The following SORCS1 variants were observed in gnomAD, a reference collection of about 807,000 sequenced individuals.
SORCS1 encodes VPS10 domain-containing receptor SorCS1.
Under a neutral mutation model 146.1 loss-of-function variants are expected in SORCS1, and 60 were observed. The ratio of observed to expected loss-of-function variants is 0.41; its 90% CI spans 0.33 to 0.51. The LOEUF (loss-of-function observed/expected upper bound fraction) is 0.51, where lower values mean the gene tolerates loss of function less well. Ranked by LOEUF, SORCS1 falls within the 20% of genes least tolerant of loss-of-function variation. The pLI, the probability that SORCS1 is intolerant of heterozygous loss-of-function variation, is 0.21. For missense variants in SORCS1, 1,352 were observed against 1,487.6 expected, an observed-to-expected ratio of 0.91 and a Z score of 1.50; for synonymous variants, 637 against 584.0, an observed-to-expected ratio of 1.09 and a Z score of -1.31.
At chr10:106,897,809 C>T (rs997577551) in intron 2 of SORCS1, among the ~76,000 whole-genome samples, 3 of 152,198 alleles carry the variant, frequency 2.0e-5, no homozygotes, top group African/African-American at 7.2e-5. Context: ...AACGCTTAGT[C>T]AATGGTACAC....
At chr10:106,711,224 G>C (rs1430280493) in intron 6 of SORCS1, among the ~76,000 whole-genome samples, 1 of 152,102 alleles carries the variant, frequency 6.6e-6, no homozygotes, top group East Asian at 1.9e-4. Context: ...ATATCCTTTT[G>C]AGTATAAAAA....
At chr10:106,974,195 T>A (rs897993105) in intron 1 of SORCS1, among the ~76,000 whole-genome samples, 5 of 152,310 alleles carry the variant, frequency 3.3e-5, no homozygotes, top group Middle Eastern at 3.4e-3. Context: ...GGATATTCCA[T>A]TGCAACAAAA....
intron 3 of SORCS1, among the ~76,000 whole-genome samples, chr10:106,798,019 T>A (rs773429733): frequency 9.2e-5 from 14 of 152,164 alleles, no homozygotes; most frequent in African/African-American, 3.4e-4. Context: ...CCCACCCAAA[T>A]CTCATCTTGA....
chr10:106,964,097 A>G (rs956125048), intron 1 of SORCS1, among the ~76,000 whole-genome samples: 1 of 152,246 alleles, frequency 6.6e-6, no homozygotes, highest in Non-Finnish European at 1.5e-5. Context: ...AAAGGAACTG[A>G]GGGAGAAAGC....
intron 22 of SORCS1, among the ~76,000 whole-genome samples, chr10:106,608,988 C>G (rs1846791652): frequency 6.6e-6 from 1 of 152,202 alleles, no homozygotes; most frequent in African/African-American, 2.4e-5. Context: ...CTGGTGAAGA[C>G]TCTGCCCATA....
At chr10:107,105,329 G>A (rs1035562965) in intron 1 of SORCS1, among the ~76,000 whole-genome samples, 4 of 152,160 alleles carry the variant, frequency 2.6e-5, no homozygotes, top group South Asian at 2.1e-4. Flanking sequence ...GTGTATTAGG[G>A]TTCTCTACAG....
chr10:106,736,348 A>G (rs1856943364), intron 5 of SORCS1, among the ~76,000 whole-genome samples: 1 of 152,206 alleles, frequency 6.6e-6, no homozygotes, highest in Non-Finnish European at 1.5e-5. Context: ...TTAATGGCAT[A>G]TGGGAAGAAA....
In SORCS1 at chr10:106,993,183, C is replaced by T. The variant is rs181722068; in HGVS notation, c.559-36603G>A. The stretch of plus-strand genomic sequence containing the variant: ...CATGTCAGGTTTAGATACTGTATCT[C>T]GAGTCAACATTCTAAGCAACTCTTT... On this transcript the variant is annotated intron_variant, in intron 1 of 25. Coordinates refer to ENST00000263054, the MANE Select transcript of SORCS1 (RefSeq NM_052918.5). 1.5e-3 allele frequency among the ~76,000 whole-genome samples: 229 copies of T among 151,730 alleles called. 2 individuals are homozygous for T. The highest frequency in any genetic ancestry group is 5.3e-3 in the African/African-American group (218 of 41,182).
At chr10:107,121,838 T>G (rs538350299) in intron 1 of SORCS1, among the ~76,000 whole-genome samples, 1 of 152,344 alleles carries the variant, frequency 6.6e-6, no homozygotes, top group South Asian at 2.1e-4. Context: ...AAGGACTGTC[T>G]GTGGTTTGGG....
Position 107,164,452 on chromosome 10 carries a change from G to A in SORCS1, c.75C>T (p.Ile25=). The change falls in exon 1 of 26, where the codon ATC becomes ATT. Residue 25 remains isoleucine, a synonymous_variant. Coordinates refer to ENST00000263054, the MANE Select transcript of SORCS1 (RefSeq NM_052918.5). The surrounding 1 kb of genome is among the most constrained non-coding windows in gnomAD (Gnocchi z 6.8). ...CGCCGCAGACGCCCGGGGCGCAGAG[G>A]ATCAAGAGCCCCGCGCCGGCGAGGA... is the stretch of plus-strand genomic sequence containing the variant. ...SALLAGAGLL[I]LCAPGVCGGG... 1.4e-6 allele frequency: 2 copies of A among 1,384,780 alleles called. No individual in the cohort carries two copies. The highest frequency in any genetic ancestry group is 1.9e-6 in the Non-Finnish European group (2 of 1,077,018). 85.8% of individuals were successfully genotyped at this position (1,384,780 alleles called of 1,614,324 possible).
rs144583027 is a variant in SORCS1, at chr10:106,767,196, C to A, written c.886-5535G>T. Among the ~76,000 whole-genome samples, 42 of 152,266 alleles carry A rather than the reference C, an allele frequency of 2.8e-4. 1 individual carries two copies. The South Asian group carries it at 8.3e-3, about 30-fold the overall frequency. ...TCAGGCTTTGCTGATGAAGGCTGGG[C>A]AGGAATGATGGCCTATTGCTGGTTC... On this transcript the variant is annotated intron_variant, in intron 4 of 25. Coordinates refer to ENST00000263054, the MANE Select transcript of SORCS1 (RefSeq NM_052918.5).
chr10:106,659,451 T>C (rs777554962), intron 17 of SORCS1, among the ~76,000 whole-genome samples: 2 of 152,226 alleles, frequency 1.3e-5, no homozygotes, highest in Non-Finnish European at 2.9e-5. Flanking sequence ...ATCCACTATC[T>C]GAGCCTACCA....
At chr10:107,048,012 A>T (rs72812903) in intron 1 of SORCS1, among the ~76,000 whole-genome samples, 1,619 of 152,200 alleles carry the variant, frequency 0.011, 15 homozygotes, top group South Asian at 0.029. Flanking sequence ...GAGCCCGCGA[A>T]GTCAAGGCTG....
chr10:107,046,104 G>A lies in SORCS1; in HGVS notation c.559-89524C>T, dbSNP rs370561125. Among the ~76,000 whole-genome samples, 215 of 152,022 alleles carry A rather than the reference G, an allele frequency of 1.4e-3. 1 individual carries two copies. The highest frequency in any genetic ancestry group is 4.7e-3 in the African/African-American group (194 of 41,476). On this transcript the variant is annotated intron_variant, in intron 1 of 25. Transcript: ENST00000263054. ...TGGGACTACAGGCACGTGCCACCAC[G>A]CCCAGATAATTTTTGAATTTTTAGT...
rs144743203 is a variant in SORCS1 at position 106,808,175 on chromosome 10, C to T, written c.726+21399G>A. Among the ~76,000 whole-genome samples the T allele has an allele frequency of 7.1e-3, 1,081 of 152,218 alleles. 11 individuals carry two copies. The highest frequency in any genetic ancestry group is 0.025 in the African/African-American group (1,026 of 41,532). On this transcript the variant is annotated intron_variant, in intron 3 of 25. Transcript: ENST00000263054. ...GCTGGGATTAAGGCATGCAGCACCACGCCCAGCTAATTTTGTATTTTTAGT... is the reference window on the plus strand; with the variant it reads ...GCTGGGATTAAGGCATGCAGCACCATGCCCAGCTAATTTTGTATTTTTAGT...
intron 2 of SORCS1, among the ~76,000 whole-genome samples, chr10:106,947,461 G>A (rs1162113193): frequency 6.6e-6 from 1 of 152,192 alleles, no homozygotes; most frequent in Non-Finnish European, 1.5e-5. Context: ...TCAGAGAATA[G>A]TCAGGAGCCA....
intron 5 of SORCS1, among the ~76,000 whole-genome samples, chr10:106,737,043 G>GCA (rs113441544): frequency 1.4e-3 from 134 of 95,216 alleles, no homozygotes; most frequent in Non-Finnish European, 1.0e-3. Context: ...CAAAGTGTGT[G>GCA]TGTGTGTGTG....
At chr10:106,945,817 G>A (rs920060030) in intron 2 of SORCS1, among the ~76,000 whole-genome samples, 5 of 152,186 alleles carry the variant, frequency 3.3e-5, no homozygotes, top group African/African-American at 1.2e-4. Context: ...AGGAGAGCAG[G>A]GGTGCAAGCT....
intron 1 of SORCS1, among the ~76,000 whole-genome samples, chr10:107,045,750 T>A (rs1959325063): frequency 6.6e-6 from 1 of 151,328 alleles, no homozygotes; most frequent in African/African-American, 2.4e-5. Context: ...TGTGTGTGTA[T>A]GTGTGTGTGT....
Sources: gnomAD v4.1 joint callset for allele counts (sites outside exome capture counted in the v4.1 genomes callset) on GRCh38, gnomAD v4.1.1 for gene constraint, Gnocchi (gnomAD v3.1) non-coding constraint, MANE v1.5 for transcripts, NCBI Gene and HGNC (gene_info 2026-07-23, HGNC 2026-07-21) for gene names.